PLEKHA7: variants seen among roughly 807,000 people sequenced by gnomAD.
PLEKHA7 encodes the protein pleckstrin homology domain-containing family A member 7.
Under a neutral mutation model 170.0 loss-of-function variants are expected in PLEKHA7, and 104 were observed. The observed-to-expected ratio is 0.61, with a 90% CI of 0.52 to 0.72. The LOEUF is 0.72. Ranked by LOEUF, PLEKHA7 falls within the 30% of genes least tolerant of loss-of-function variation. The probability of loss-of-function intolerance (pLI) is 0.00; values close to 1 mark genes in which losing one functional copy is unlikely to be tolerated. For missense variants in PLEKHA7, 1,615 were observed against 1,671.7 expected, an observed-to-expected ratio of 0.97 and a Z score of 0.59; for synonymous variants, 648 against 660.8, an observed-to-expected ratio of 0.98 and a Z score of 0.30.
chr11:16,797,090 CTACA>C (rs1217634386), intron 17 of PLEKHA7, among the ~76,000 whole-genome samples: 1 of 152,096 alleles, frequency 6.6e-6, no homozygotes, highest in Non-Finnish European at 1.5e-5. Context: ...AAATACATAT[CTACA>C]TACAATGGGG....
At chr11:16,901,859 AC>A (rs1857361405) in intron 3 of PLEKHA7, among the ~76,000 whole-genome samples, 1 of 152,186 alleles carries the variant, frequency 6.6e-6, no homozygotes, top group Admixed American at 6.5e-5. Flanking sequence ...GAAGAGCCAG[AC>A]CTTGTCTCAA....
chr11:16,858,120 A>G (rs964095757), intron 4 of PLEKHA7, among the ~76,000 whole-genome samples: 14 of 152,184 alleles, frequency 9.2e-5, no homozygotes, highest in African/African-American at 3.4e-4. Flanking sequence ...GAAAAACATC[A>G]CCCATAGTCC....
chr11:16,999,731 A>G (rs1316914522), intron 3 of PLEKHA7, among the ~76,000 whole-genome samples: 1 of 152,256 alleles, frequency 6.6e-6, no homozygotes, highest in African/African-American at 2.4e-5. Context: ...AGCTTCAGAC[A>G]GGCTATCGCA....
chr11:16,936,036 G>T (rs1441951791), intron 3 of PLEKHA7, among the ~76,000 whole-genome samples: 1 of 152,178 alleles, frequency 6.6e-6, no homozygotes, highest in Admixed American at 6.5e-5. Context: ...GCAACACTGA[G>T]CCAGGAGAAC....
At chr11:16,995,470 C>CA (rs1407483038) in intron 3 of PLEKHA7, among the ~76,000 whole-genome samples, 5 of 152,188 alleles carry the variant, frequency 3.3e-5, no homozygotes, top group African/African-American at 1.2e-4. Flanking sequence ...CCTGCACACA[C>CA]ACCAAGTCTT....
chr11:16,975,411 A>T (rs1013455271), intron 3 of PLEKHA7, among the ~76,000 whole-genome samples: 1 of 152,208 alleles, frequency 6.6e-6, no homozygotes, highest in Non-Finnish European at 1.5e-5. Flanking sequence ...TGTATAATGA[A>T]ATCGTATGCA....
intron 13 of PLEKHA7, among the ~76,000 whole-genome samples, chr11:16,805,656 G>A (rs925598713): frequency 6.6e-6 from 1 of 151,978 alleles, no homozygotes; most frequent in African/African-American, 2.4e-5. Context: ...CAGGCACAGT[G>A]CCGCGCACCT....
At chr11:16,839,239 A>T (rs1156505690) in intron 9 of PLEKHA7, among the ~76,000 whole-genome samples, 1 of 152,074 alleles carries the variant, frequency 6.6e-6, no homozygotes, top group Non-Finnish European at 1.5e-5. Flanking sequence ...TGCTTTCAGA[A>T]AGCACAAAAG....
chr11:16,899,120 G>A (rs1368073724), intron 3 of PLEKHA7, among the ~76,000 whole-genome samples: 1 of 152,208 alleles, frequency 6.6e-6, no homozygotes, highest in Non-Finnish European at 1.5e-5. Flanking sequence ...ATAGCCAAGA[G>A]CTCTTGGATG....
rs113598851 is a variant in PLEKHA7, at chr11:16,853,676, G to A, written c.522+1213C>T. On this transcript the variant is annotated intron_variant, in intron 6 of 26. Transcript: ENST00000531066. Reference sequence around the variant, plus strand: ...GTTTAATGGGGACAGGGATGCAAACGGAAGAAGTCAGAGGGTTAAATGACT... The same window carrying A: ...GTTTAATGGGGACAGGGATGCAAACAGAAGAAGTCAGAGGGTTAAATGACT... Among the ~76,000 whole-genome samples, 284 of 152,262 alleles carry A rather than the reference G, an allele frequency of 1.9e-3. 3 individuals carry two copies. The highest frequency in any genetic ancestry group is 6.5e-3 in the African/African-American group (270 of 41,550).
At chr11:16,788,778 T>C in intron 23 of PLEKHA7, 2 of 452,420 alleles carry the variant, frequency 4.4e-6, no homozygotes, top group Admixed American at 3.6e-5. Context: ...GAACCCTGTA[T>C]TCCCAGGTCC....
intron 25 of PLEKHA7, 76 bp downstream of exon 25, chr11:16,783,624 G>T: frequency 7.6e-7 from 1 of 1,310,422 alleles, no homozygotes; most frequent in African/African-American, 1.5e-5. Context: ...CAGCCAGCCC[G>T]GCCCAGGGCC....
intron 5 of PLEKHA7, 129 bp from the exon 6 acceptor site, chr11:16,855,122 C>T: frequency 1.4e-6 from 1 of 721,342 alleles, no homozygotes; most frequent in Non-Finnish European, 2.4e-6. Flanking sequence ...ATCAAATGAA[C>T]AGCCAGAAGA....
At chr11:16,962,336 G>A (rs551073230) in intron 3 of PLEKHA7, among the ~76,000 whole-genome samples, 6 of 152,292 alleles carry the variant, frequency 3.9e-5, no homozygotes, top group South Asian at 2.1e-4. Flanking sequence ...GACTCTTGGC[G>A]ACCAGTCAAT....
At chr11:16,940,757 G>A (rs1290199325) in intron 3 of PLEKHA7, among the ~76,000 whole-genome samples, 2 of 152,030 alleles carry the variant, frequency 1.3e-5, no homozygotes, top group African/African-American at 2.4e-5. Flanking sequence ...ATCCAACATA[G>A]TGCCTTTGTT....
chr11:16,837,036 C>G (rs1217444025), intron 9 of PLEKHA7, among the ~76,000 whole-genome samples: 1 of 152,102 alleles, frequency 6.6e-6, no homozygotes, highest in East Asian at 1.9e-4. Context: ...GTTGGCCAGG[C>G]TGGTCTCGAA....
At chr11:16,919,580 C>T (rs1858936499) in intron 3 of PLEKHA7, among the ~76,000 whole-genome samples, 1 of 152,034 alleles carries the variant, frequency 6.6e-6, no homozygotes, top group Admixed American at 6.5e-5. Context: ...GGGGCTGAGT[C>T]AGGAGCCCAG....
At position 16,820,883 on chromosome 11, in the gene PLEKHA7, C is replaced by T. The variant is rs922912733; in HGVS notation, c.1344-3561G>A. Among the ~76,000 whole-genome samples the T allele has an allele frequency of 2.0e-5, 3 of 152,300 alleles. No individual in the cohort carries two copies. In the South Asian group the frequency reaches 6.2e-4, roughly 32 times the overall value. On this transcript the variant is annotated intron_variant, in intron 10 of 26. Transcript: ENST00000531066. ...ACCAGTGCAATGGTGAGCCCTGGCT[C>T]TAGGGGTCAAAACAAGGTAACTATG...
chr11:16,863,719 A>G (rs1198534473), intron 4 of PLEKHA7, among the ~76,000 whole-genome samples: 1 of 152,118 alleles, frequency 6.6e-6, no homozygotes, highest in Non-Finnish European at 1.5e-5. Flanking sequence ...ACTCCTGTAC[A>G]CGGGCACCAA....
Sources: allele counts gnomAD v4.1 joint callset (sites outside exome capture counted in the v4.1 genomes callset), GRCh38; gene constraint gnomAD v4.1.1; transcripts MANE v1.5; gene names NCBI Gene and HGNC (gene_info 2026-07-23, HGNC 2026-07-21).